FAAH2: variants seen among roughly 807,000 people sequenced by gnomAD.
FAAH2 encodes the protein fatty acid amide hydrolase 2, also known as fatty-acid amide hydrolase 2.
In FAAH2, 60 loss-of-function variants were observed where a neutral mutation model predicts 36.9. The observed-to-expected ratio is 1.63, with a 90% CI of 1.32 to 2.02. The LOEUF (loss-of-function observed/expected upper bound fraction) is 2.02, where lower values mean the gene tolerates loss of function less well. FAAH2 is among the 30% of genes most tolerant of loss of function. The probability of loss-of-function intolerance (pLI) is 0.00; values close to 1 mark genes in which losing one functional copy is unlikely to be tolerated. For missense variants in FAAH2, 689 were observed against 397.5 expected (o/e 1.73, Z -6.23); for synonymous variants, 214 against 143.8 (o/e 1.49, Z -3.49).
the FAAH2 span, among the ~76,000 whole-genome samples, chrX:57,280,140 A>G: frequency 8.9e-6 from 1 of 112,032 alleles, no homozygotes; most frequent in Non-Finnish European, 1.9e-5. Context: ...CATGATTGGA[A>G]GACCCCACTT....
chrX:57,174,321 TG>T, the FAAH2 span, among the ~76,000 whole-genome samples: 1 of 110,822 alleles, frequency 9.0e-6, no homozygotes, highest in Non-Finnish European at 1.9e-5. Flanking sequence ...GCTGTGTGTG[TG>T]CATATGTTAC....
chrX:57,417,701 C>T (rs1415622888), intron 7 of FAAH2, among the ~76,000 whole-genome samples: 2 of 111,929 alleles, frequency 1.8e-5, no homozygotes, highest in Non-Finnish European at 3.8e-5. Flanking sequence ...TCTGGAGTCA[C>T]AGCAGTCAGG....
intron 10 of FAAH2, among the ~76,000 whole-genome samples, chrX:57,479,526 G>A (rs2057338278): frequency 9.0e-6 from 1 of 111,223 alleles, no homozygotes; most frequent in Non-Finnish European, 1.9e-5. Flanking sequence ...CCAACACTAT[G>A]TTGAGTAGGA....
intron 8 of FAAH2, among the ~76,000 whole-genome samples, chrX:57,434,391 G>C (rs1470467518): frequency 9.1e-6 from 1 of 110,111 alleles, no homozygotes; most frequent in East Asian, 2.8e-4. Context: ...ATGGAAATTT[G>C]TAAAGCAATA....
the FAAH2 span, among the ~76,000 whole-genome samples, chrX:57,281,083 G>A: frequency 1.8e-5 from 2 of 111,552 alleles, no homozygotes; most frequent in African/African-American, 3.3e-5. Flanking sequence ...GGGCAGTGGT[G>A]TGGACATAAA....
intron 10 of FAAH2, among the ~76,000 whole-genome samples, chrX:57,464,563 G>A (rs1471498980): frequency 1.2e-5 from 1 of 82,045 alleles, no homozygotes; most frequent in Non-Finnish European, 2.5e-5. Flanking sequence ...CCTAATTAAA[G>A]TAAAGGGCTT....
At chrX:57,244,453 C>T in the FAAH2 span, among the ~76,000 whole-genome samples, 1 of 111,302 alleles carries the variant, frequency 9.0e-6, no homozygotes, top group African/African-American at 3.3e-5. Context: ...GTCAGATTCA[C>T]CAAGGGTGAA....
At chrX:57,378,628 A>C (rs747193080) in intron 5 of FAAH2, 23 bp from the exon 6 acceptor site, 1 of 1,209,648 alleles carries the variant, frequency 8.3e-7, no homozygotes, top group Non-Finnish European at 1.1e-6. Context: ...TTGGGCGGCT[A>C]ACCTGACTGT....
intron 7 of FAAH2, among the ~76,000 whole-genome samples, chrX:57,415,188 A>G (rs2055809396): frequency 1.8e-5 from 2 of 109,138 alleles, no homozygotes; most frequent in South Asian, 7.8e-4. Context: ...CAGCTCCTGG[A>G]TTCGTTGATT....
intron 5 of FAAH2, among the ~76,000 whole-genome samples, chrX:57,354,723 A>T (rs1239426343): frequency 9.0e-6 from 1 of 110,978 alleles, no homozygotes; most frequent in Non-Finnish European, 1.9e-5. Context: ...TGAGATAAAA[A>T]GACTAAGGGA....
the FAAH2 span, among the ~76,000 whole-genome samples, chrX:57,170,099 T>C: frequency 8.9e-6 from 1 of 111,805 alleles, no homozygotes; most frequent in Non-Finnish European, 1.9e-5. Flanking sequence ...GCCTCTTGAA[T>C]AGCTGAAACT....
At chrX:57,438,605 T>G (rs1376367456) in intron 8 of FAAH2, among the ~76,000 whole-genome samples, 2 of 110,602 alleles carry the variant, frequency 1.8e-5, no homozygotes, top group Admixed American at 1.9e-4. Context: ...TATTTTTATT[T>G]CTATTATTGT....
chrX:57,313,016 A>G (rs749355256), intron 3 of FAAH2, among the ~76,000 whole-genome samples: 2 of 111,420 alleles, frequency 1.8e-5, no homozygotes, highest in East Asian at 5.6e-4. Flanking sequence ...GAGATGGGAG[A>G]AAAAATGGGC....
chrX:57,417,291 TGGA>T (rs1200280676), intron 7 of FAAH2, among the ~76,000 whole-genome samples: 1 of 112,295 alleles, frequency 8.9e-6, no homozygotes, highest in African/African-American at 3.2e-5. Context: ...TGTAATCTTT[TGGA>T]GGAGAAGCAG....
the FAAH2 span, among the ~76,000 whole-genome samples, chrX:57,278,289 C>G: frequency 9.0e-6 from 1 of 111,698 alleles, no homozygotes; most frequent in African/African-American, 3.3e-5. Flanking sequence ...CTACGGCCAT[C>G]TGATCTTTGA....
In FAAH2 at chrX:57,468,259, C is replaced by T. The variant is rs149539828; in HGVS notation, c.1423+19541C>T. On this transcript the variant is annotated intron_variant, in intron 10 of 10. Transcript: ENST00000374900. ...AAAGCTGGATGGAGAATGACTTTGACGAGTTGAGAGAAGAAGGCTTCAGAT... is the reference window on the plus strand; with the variant it reads ...AAAGCTGGATGGAGAATGACTTTGATGAGTTGAGAGAAGAAGGCTTCAGAT... 5.7e-3 allele frequency among the ~76,000 whole-genome samples: 637 copies of T among 111,870 alleles called. 5 individuals carry two copies. The highest frequency in any genetic ancestry group is 0.02 in the African/African-American group (606 of 30,829).
the FAAH2 span, among the ~76,000 whole-genome samples, chrX:57,155,286 G>A: frequency 9.0e-6 from 1 of 111,575 alleles, no homozygotes; most frequent in Non-Finnish European, 1.9e-5. Context: ...ACCATCTAGT[G>A]GGGCAGGGTT....
chrX:57,385,504 G>A (rs1480474624), intron 7 of FAAH2, among the ~76,000 whole-genome samples: 1 of 111,527 alleles, frequency 9.0e-6, no homozygotes, highest in East Asian at 2.8e-4. Context: ...GCCTTCTCCA[G>A]AGGGGAGAAA....
At chrX:57,420,286 A>T (rs1307445435) in intron 7 of FAAH2, among the ~76,000 whole-genome samples, 21 of 111,761 alleles carry the variant, frequency 1.9e-4, no homozygotes, top group Middle Eastern at 4.6e-3. Flanking sequence ...TGGGGATGGC[A>T]TCGAATCTAT....
Sources: allele counts gnomAD v4.1 joint callset (sites outside exome capture counted in the v4.1 genomes callset), GRCh38; gene constraint gnomAD v4.1.1; transcripts MANE v1.5; gene names NCBI Gene and HGNC (gene_info 2026-07-23, HGNC 2026-07-21).